The following UNG variants were observed in gnomAD, a reference collection of about 807,000 sequenced individuals.
UNG encodes the protein uracil DNA glycosylase.
A neutral mutation model predicts 36.5 loss-of-function variants in UNG; 34 were observed. That is an observed-to-expected ratio of 0.93 (90% CI 0.71 to 1.24). The LOEUF (loss-of-function observed/expected upper bound fraction) is 1.24. UNG is among the 50% of genes most tolerant of loss of function. The pLI, the probability that UNG is intolerant of heterozygous loss-of-function variation, is 0.00. For synonymous variants in UNG, 172 were observed against 157.8 expected, an observed-to-expected ratio of 1.09 and a Z score of -0.67; for missense variants, 391 against 397.6, an observed-to-expected ratio of 0.98 and a Z score of 0.14.
In UNG at chr12:109,110,331, C is replaced by A; in HGVS notation, c.*362C>A. The A allele has an allele frequency of 3.4e-6, 1 of 296,022 alleles. No homozygotes were observed. Among genetic ancestry groups the A allele is most frequent in the Non-Finnish European group, 6.6e-6 (1 of 152,488 alleles). The allele number at this position is 296,022 out of a possible 1,614,324, so 18.3% of individuals were successfully genotyped here. A position where few individuals can be genotyped will look rare whatever the true frequency, so the allele number is the denominator to read the frequency against. On this transcript the variant is annotated 3_prime_UTR_variant, in exon 7 of 7. Transcript: ENST00000242576. ...TGGCGCCTGCTGCTCCTTGGTTTTGCCTGGTTAGACTTTCAGTGACAGATG... is the reference window on the plus strand; with the variant it reads ...TGGCGCCTGCTGCTCCTTGGTTTTGACTGGTTAGACTTTCAGTGACAGATG...
At chr12:109,101,438 G>T (rs966424419) in intron 3 of UNG, among the ~76,000 whole-genome samples, 2 of 151,832 alleles carry the variant, frequency 1.3e-5, no homozygotes, top group East Asian at 2.0e-4. Flanking sequence ...AGGCACAGTG[G>T]CTCATGCCTG....
chr12:109,097,953 T>C (rs2042144031), intron 1 of UNG, 142 bp downstream of exon 1: 13 of 1,287,752 alleles, frequency 1.0e-5, no homozygotes, highest in Non-Finnish European at 1.3e-5. Context: ...GTGTTCAAAA[T>C]AGCCGCCGCT....
intron 6 of UNG, among the ~76,000 whole-genome samples, chr12:109,107,456 C>T (rs1463318966): frequency 1.3e-5 from 2 of 151,530 alleles, no homozygotes; most frequent in South Asian, 2.1e-4. Context: ...CCTCCTGCCT[C>T]GGCCTCCCAA....
Position 109,098,445 on chromosome 12 carries a change from A to G in UNG, c.146A>G (p.Lys49Arg), listed in dbSNP as rs143103316. The change falls in exon 2 of 7, where the codon AAG (lysine) becomes AGG (arginine). Residue 49 changes from lysine (K) to arginine (R), a missense_variant. Transcript: ENST00000242576. ...GACCACTTGCAGGCCATCCCAGCCA[A>G]GAAGGCCCCGGCTGGGCAGGAGGAG... The part of the protein sequence containing the change: ...ESGDAAAIPA[K>R]KAPAGQEEPG... The G allele has an allele frequency of 9.6e-5, 154 of 1,609,106 alleles. No individual in the cohort carries two copies. The African/African-American group carries it at 1.9e-3, about 20-fold the overall frequency.
intron 2 of UNG, 139 bp from the exon 3 acceptor site, chr12:109,099,050 T>C: frequency 1.1e-6 from 1 of 899,302 alleles, no homozygotes; most frequent in Non-Finnish European, 1.7e-6. Context: ...TTTTTGTTTG[T>C]TGTTTTTTAA....
At chr12:109,099,433 G>GT in intron 3 of UNG, 149 bp downstream of exon 3, 2 of 709,290 alleles carry the variant, frequency 2.8e-6, no homozygotes, top group African/African-American at 1.8e-5. Context: ...ATTTCAGCCT[G>GT]TATTTACTCT....
chr12:109,101,971 G>T lies in UNG; in HGVS notation c.505G>T (p.Val169Phe). The stretch of plus-strand genomic sequence containing the variant: ...TCAAGCTCACGGGCTCTGCTTTAGT[G>T]TTCAAAGGCCTGTTCCGCCTCCGCC... The part of the protein sequence containing the change: ...PNQAHGLCFS[V>F]QRPVPPPPSL... Residue 169 changes from valine (V) to phenylalanine (F), a missense_variant, in exon 4 of 7, where the codon GTT becomes TTT. Physicochemically the swap from Val to Phe is conservative, Grantham distance 50. Transcript: ENST00000242576. 2 of 1,614,070 alleles carry T rather than the reference G, an allele frequency of 1.2e-6. No individual in the cohort carries two copies. The highest frequency in any genetic ancestry group is 1.7e-6 in the Non-Finnish European group (2 of 1,179,994).
intron 1 of UNG, 91 bp downstream of exon 1, chr12:109,097,902 G>A: frequency 7.1e-7 from 1 of 1,408,300 alleles, no homozygotes; most frequent in East Asian, 2.5e-5. Context: ...TCGCGCCTCT[G>A]ACTCGGTAAA....
Position 109,099,236 on chromosome 12 carries a change from A to G in UNG, c.387A>G (p.Pro129=). 3 of 1,613,956 alleles carry G rather than the reference A, an allele frequency of 1.9e-6. No homozygotes were observed. Among genetic ancestry groups the G allele is most frequent in the Non-Finnish European group, 2.5e-6 (3 of 1,180,010 alleles). The change falls in exon 3 of 7, where the codon CCA becomes CCG. Residue 129 remains proline (P), a synonymous_variant. Transcript: ENST00000242576. ...AAAGAAAGCATTACACTGTTTATCC[A>G]CCCCCACACCAAGTCTTCACCTGGA... The part of the protein sequence containing the change: ...AEERKHYTVY[P]PPHQVFTWTQ...
Position 109,110,171 on chromosome 12 carries a change from C to CT in UNG, c.*205dup. ...CAAAGGCTACCCTTTGACCAAATGT[C>CT]TTTCTCTGCAACATGGCTTCGGCCT... is the stretch of plus-strand genomic sequence containing the variant. On this transcript the variant is annotated 3_prime_UTR_variant, in exon 7 of 7. Transcript: ENST00000242576. The CT allele has an allele frequency of 1.5e-6, 1 of 649,748 alleles. No homozygotes were observed. Among genetic ancestry groups the CT allele is most frequent in the South Asian group, 1.9e-5 (1 of 52,858 alleles). 40.2% of individuals were successfully genotyped at this position (649,748 alleles called of 1,614,324 possible). A position where few individuals can be genotyped will look rare whatever the true frequency, so the allele number is the denominator to read the frequency against.
At chr12:109,102,695 C>T (rs929817778) in intron 4 of UNG, 144 bp from the exon 5 acceptor site, 5 of 671,376 alleles carry the variant, frequency 7.4e-6, no homozygotes, top group African/African-American at 5.4e-5. Context: ...GTGTTGATCT[C>T]ATTAATCGGC....
chr12:109,102,599 T>A (rs2042186571), intron 4 of UNG, among the ~76,000 whole-genome samples: 1 of 152,220 alleles, frequency 6.6e-6, no homozygotes, highest in South Asian at 2.1e-4. Flanking sequence ...GTTGATTTAC[T>A]TAGGTTTTCC....
intron 6 of UNG, among the ~76,000 whole-genome samples, chr12:109,106,026 A>AT (rs1233242096): frequency 6.6e-6 from 1 of 152,116 alleles, no homozygotes. Context: ...GCCTTTGCAT[A>AT]TCCTGCTTTC....
In UNG at chr12:109,098,612, G is replaced by T; in HGVS notation, c.313G>T (p.Glu105Ter). Residue 105 changes from glutamate to a stop codon, truncating the protein, a stop_gained, in exon 2 of 7, where the codon GAG becomes TAG. Coordinates refer to ENST00000242576, the MANE Select transcript of UNG (RefSeq NM_080911.3). LOFTEE classifies it high-confidence loss of function. Reference protein sequence around the residue: ...GESWKKHLSGEFGKPYFIKLM... With the variant: ...GESWKKHLSG ...GAGCTGGAAGAAGCACCTCAGCGGG[G>T]AGTTCGGGAAACCGTATTTTATCAA... is the stretch of plus-strand genomic sequence containing the variant. The T allele has an allele frequency of 6.2e-7, 1 of 1,613,590 alleles. No homozygotes were observed. The highest frequency in any genetic ancestry group is 8.5e-7 in the Non-Finnish European group (1 of 1,180,052).
Position 109,110,033 on chromosome 12 carries a change from A to T in UNG, c.*64A>T. 6.2e-7 allele frequency: 1 copy of T among 1,611,574 alleles called. No homozygotes were observed. The highest frequency in any genetic ancestry group is 8.5e-7 in the Non-Finnish European group (1 of 1,178,970). ...ACGTATTTGCCAGTTACGAAGTTCC[A>T]CTGAAAATTTTCCTATTAATTCTTA... On this transcript the variant is annotated 3_prime_UTR_variant, in exon 7 of 7. Transcript: ENST00000242576.
At chr12:109,108,695 A>G (rs1284217596) in intron 6 of UNG, among the ~76,000 whole-genome samples, 1 of 152,190 alleles carries the variant, frequency 6.6e-6, no homozygotes, top group African/African-American at 2.4e-5. Flanking sequence ...CAGTGGCACA[A>G]TTATAGCTTT....
intron 3 of UNG, among the ~76,000 whole-genome samples, chr12:109,101,157 A>G (rs1287491925): frequency 8.4e-6 from 1 of 119,040 alleles, no homozygotes; most frequent in Non-Finnish European, 1.6e-5. Context: ...CAGTGGTGCA[A>G]TCTCGGCTTA....
intron 4 of UNG, among the ~76,000 whole-genome samples, chr12:109,102,251 G>C (rs989062709): frequency 1.3e-5 from 2 of 152,144 alleles, no homozygotes; most frequent in Non-Finnish European, 2.9e-5. Context: ...CCCCCAGCTC[G>C]TGATAATGAA....
At position 109,109,698 on chromosome 12, in the gene UNG, G is replaced by A. The variant is rs534297895; in HGVS notation, c.802-131G>A. The A allele has an allele frequency of 7.8e-5, 88 of 1,124,888 alleles. 1 individual carries two copies. The highest frequency in any genetic ancestry group is 6.1e-4 in the East Asian group (23 of 37,866). The allele number at this position is 1,124,888 out of a possible 1,614,324, so 69.7% of individuals were successfully genotyped here. On this transcript the variant is annotated intron_variant, in intron 6 of 6. Transcript: ENST00000242576. ...CTTGGGAAGCTGAGGCAGGAGAATCGCTTGAACCCGGGAGGCGGAGGTTGC... is the reference window on the plus strand; with the variant it reads ...CTTGGGAAGCTGAGGCAGGAGAATCACTTGAACCCGGGAGGCGGAGGTTGC...
Sources: allele counts gnomAD v4.1 joint callset (sites outside exome capture counted in the v4.1 genomes callset), GRCh38; gene constraint gnomAD v4.1.1; transcripts MANE v1.5; gene names NCBI Gene and HGNC (gene_info 2026-07-23, HGNC 2026-07-21).